Variants in CEP15 observed in about 807,000 individuals in gnomAD.
CEP15 encodes the protein centrosomal protein 15.
chr3:62,320,594 A>G, the CEP15 span: 2 of 1,181,210 alleles, frequency 1.7e-6, no homozygotes, highest in Non-Finnish European at 2.4e-6. Context: ...TATTGTATAC[A>G]CAGGATGACT....
the CEP15 span, among the ~76,000 whole-genome samples, chr3:62,326,923 A>G: frequency 6.6e-6 from 1 of 152,230 alleles, no homozygotes; most frequent in Non-Finnish European, 1.5e-5. Context: ...ACTATTATCA[A>G]TAAGAAATTA....
At chr3:62,330,711 G>A in the CEP15 span, among the ~76,000 whole-genome samples, 1 of 152,118 alleles carries the variant, frequency 6.6e-6, no homozygotes, top group African/African-American at 2.4e-5. Flanking sequence ...AGCTTAGAAA[G>A]CTAGTACTAA....
chr3:62,322,452 TA>T, the CEP15 span: 1 of 164,228 alleles, frequency 6.1e-6, no homozygotes, highest in African/African-American at 2.4e-5. This position sits in a 1 kb window ranked among gnomAD's most constrained non-coding sequence, Gnocchi z 5.5. Flanking sequence ...TCAAACATCA[TA>T]AAAACAAGAA....
the CEP15 span, among the ~76,000 whole-genome samples, chr3:62,332,117 A>G: frequency 6.6e-6 from 1 of 152,132 alleles, no homozygotes; most frequent in Non-Finnish European, 1.5e-5. Context: ...ACTCTGGTAC[A>G]AAGTTGTGTC....
At chr3:62,322,220 G>T in the CEP15 span, 2 of 623,118 alleles carry the variant, frequency 3.2e-6, no homozygotes, top group Non-Finnish European at 2.7e-6. The surrounding 1 kb of genome is among the most constrained non-coding windows in gnomAD (Gnocchi z 5.5). Flanking sequence ...AGTAGCATAT[G>T]TATCCTCATT....
chr3:62,319,441 C>T, the CEP15 span: 2 of 152,006 alleles, frequency 1.3e-5, no homozygotes, highest in Admixed American at 6.5e-5. Flanking sequence ...AATTTAGACC[C>T]CGGAGGGCGG....
At chr3:62,329,722 G>A in the CEP15 span, among the ~76,000 whole-genome samples, 2 of 152,082 alleles carry the variant, frequency 1.3e-5, no homozygotes, top group African/African-American at 2.4e-5. Context: ...GAGATAATAA[G>A]TATCCTTATT....
the CEP15 span, among the ~76,000 whole-genome samples, chr3:62,325,811 A>C: frequency 1.3e-5 from 2 of 152,072 alleles, no homozygotes; most frequent in South Asian, 4.1e-4. Context: ...AGGCGGGCAG[A>C]TCAAGAGATC....
At chr3:62,325,905 T>C in the CEP15 span, among the ~76,000 whole-genome samples, 3 of 151,664 alleles carry the variant, frequency 2.0e-5, no homozygotes, top group African/African-American at 7.3e-5. Context: ...GCGCCTGTAG[T>C]CCCAGCTACT....
chr3:62,329,712 G>A, the CEP15 span, among the ~76,000 whole-genome samples: 2 of 152,144 alleles, frequency 1.3e-5, no homozygotes, highest in Non-Finnish European at 2.9e-5. Context: ...TCCTGTAAGA[G>A]AGATAATAAG....
At chr3:62,323,766 CT>C in the CEP15 span, 1 of 152,158 alleles carries the variant, frequency 6.6e-6, no homozygotes, top group Non-Finnish European at 1.5e-5. Flanking sequence ...GATTTTTCCC[CT>C]GATTATCAAA....
chr3:62,333,084 T>C, the CEP15 span, among the ~76,000 whole-genome samples: 1 of 152,108 alleles, frequency 6.6e-6, no homozygotes. The surrounding 1 kb of genome is among the most constrained non-coding windows in gnomAD (Gnocchi z 4.0). Context: ...GATTTTTTTC[T>C]AAAATTAACA....
chr3:62,333,341 A>C, the CEP15 span: 2 of 1,611,838 alleles, frequency 1.2e-6, no homozygotes. This position sits in a 1 kb window ranked among gnomAD's most constrained non-coding sequence, Gnocchi z 4.0. Context: ...TTGCTGTTGA[A>C]AATCAAAATG....
chr3:62,331,311 G>A, the CEP15 span: 19 of 1,610,774 alleles, frequency 1.2e-5, no homozygotes, highest in Admixed American at 5.0e-5. Flanking sequence ...ATAAAATGCC[G>A]ATATCTGTTA....
At chr3:62,320,166 AGTC>A in the CEP15 span, among the ~76,000 whole-genome samples, 1 of 152,304 alleles carries the variant, frequency 6.6e-6, no homozygotes, top group Middle Eastern at 3.4e-3. Context: ...AACGTTTAGT[AGTC>A]TTAGTACCAG....
the CEP15 span, chr3:62,331,476 G>T: frequency 1.7e-6 from 2 of 1,196,760 alleles, no homozygotes; most frequent in East Asian, 2.3e-5. Flanking sequence ...TTAAACAATG[G>T]TTATGTGTAT....
chr3:62,330,181 C>T, the CEP15 span, among the ~76,000 whole-genome samples: 5 of 152,050 alleles, frequency 3.3e-5, no homozygotes, highest in Non-Finnish European at 5.9e-5. Context: ...TCCTTGCTCC[C>T]GCCGCTACCA....
the CEP15 span, among the ~76,000 whole-genome samples, chr3:62,321,022 G>A: frequency 2.4e-4 from 37 of 152,120 alleles, no homozygotes; most frequent in East Asian, 6.4e-3. This position sits in a 1 kb window ranked among gnomAD's most constrained non-coding sequence, Gnocchi z 4.1. Context: ...ATTACCAGAC[G>A]TTCTTTCCTT....
At chr3:62,329,545 G>T in the CEP15 span, among the ~76,000 whole-genome samples, 1 of 152,204 alleles carries the variant, frequency 6.6e-6, no homozygotes, top group Non-Finnish European at 1.5e-5. Context: ...ATCTAAGAAA[G>T]CAAATATCTC....
Sources: allele counts gnomAD v4.1 joint callset (sites outside exome capture counted in the v4.1 genomes callset), GRCh38; gene constraint gnomAD v4.1.1; non-coding constraint Gnocchi (gnomAD v3.1); transcripts MANE v1.5; gene names NCBI Gene and HGNC (gene_info 2026-07-23, HGNC 2026-07-21).